Variants in COLEC11 observed in about 807,000 individuals in gnomAD.
The protein encoded by COLEC11 is collectin subfamily member 11.
COLEC11 carries 20 observed loss-of-function variants against 27.3 expected under a neutral mutation model. The observed-to-expected ratio is 0.73, with a 90% CI of 0.51 to 1.06. COLEC11 has a LOEUF of 1.06. Among genes scored for constraint, COLEC11 ranks in the 50% least tolerant of loss-of-function variants. The pLI is 0.00. For synonymous variants in COLEC11, 163 were observed against 154.7 expected, an observed-to-expected ratio of 1.05 and a Z score of -0.40; for missense variants, 310 against 383.0, an observed-to-expected ratio of 0.81 and a Z score of 1.59.
intron 2 of COLEC11, among the ~76,000 whole-genome samples, chr2:3,610,858 T>C (rs1292597031): frequency 2.6e-5 from 4 of 152,226 alleles, no homozygotes; most frequent in African/African-American, 7.2e-5. Context: ...GCGTCCGGTG[T>C]TGCTAATGAG....
At chr2:3,615,209 G>A (rs903448828) in intron 3 of COLEC11, among the ~76,000 whole-genome samples, 2 of 152,054 alleles carry the variant, frequency 1.3e-5, no homozygotes, top group Non-Finnish European at 2.9e-5. Flanking sequence ...CAGGGTCATA[G>A]GACAACAGTG....
At chr2:3,627,321 G>A (rs1202114529) in intron 3 of COLEC11, among the ~76,000 whole-genome samples, 3 of 144,216 alleles carry the variant, frequency 2.1e-5, no homozygotes, top group African/African-American at 7.7e-5. Context: ...GCATGATGAC[G>A]GGGGGCATGA....
chr2:3,603,767 G>C (rs1662416711), intron 1 of COLEC11: 2 of 1,143,064 alleles, frequency 1.7e-6, no homozygotes, highest in Admixed American at 4.0e-5. Flanking sequence ...TAAGGCCGGG[G>C]CTCCTCTCTC....
intron 2 of COLEC11, 101 bp from the exon 3 acceptor site, chr2:3,613,210 G>T: frequency 7.6e-7 from 1 of 1,319,076 alleles, no homozygotes; most frequent in Non-Finnish European, 1.1e-6. Flanking sequence ...CCACCTGCAG[G>T]GACCCGGGGA....
chr2:3,611,125 T>G (rs1663155560), intron 2 of COLEC11, among the ~76,000 whole-genome samples: 1 of 152,242 alleles, frequency 6.6e-6, no homozygotes, highest in South Asian at 2.1e-4. Flanking sequence ...TGTTCCTCTC[T>G]TTCCGGAATT....
chr2:3,600,416 A>G (rs1192468607), intron 1 of COLEC11, among the ~76,000 whole-genome samples: 2 of 152,036 alleles, frequency 1.3e-5, no homozygotes, highest in Admixed American at 1.3e-4. Flanking sequence ...TTGCCCAGAC[A>G]TGGTGGTACA....
intron 3 of COLEC11, among the ~76,000 whole-genome samples, chr2:3,615,965 G>A (rs1309341046): frequency 6.6e-6 from 1 of 151,844 alleles, no homozygotes; most frequent in Non-Finnish European, 1.5e-5. Context: ...TCCCAGACGG[G>A]GCGGCTGCTG....
chr2:3,603,686 G>T (rs1476824326), intron 1 of COLEC11: 1 of 1,550,810 alleles, frequency 6.4e-7, no homozygotes, highest in African/African-American at 1.4e-5. Flanking sequence ...GCCCCTCCTG[G>T]GATGGTCAGA....
At chr2:3,615,183 G>A (rs182024085) in intron 3 of COLEC11, among the ~76,000 whole-genome samples, 194 of 151,048 alleles carry the variant, frequency 1.3e-3, no homozygotes, top group African/African-American at 4.3e-3. Context: ...GGTATTTCTC[G>A]CAGAGGGGGA....
At chr2:3,604,171 G>A in intron 1 of COLEC11, 144 bp from the exon 2 acceptor site, 2 of 822,528 alleles carry the variant, frequency 2.4e-6, no homozygotes, top group African/African-American at 1.7e-5. Flanking sequence ...GTGCTTGAGT[G>A]AGTGAGGAGC....
intron 5 of COLEC11, 78 bp downstream of exon 5, chr2:3,640,409 C>G: frequency 2.5e-6 from 2 of 811,400 alleles, no homozygotes; most frequent in Non-Finnish European, 4.2e-6. Flanking sequence ...AGATCTACAC[C>G]ATGTAGATCC....
chr2:3,607,136 C>G (rs1662780984), intron 2 of COLEC11, among the ~76,000 whole-genome samples: 1 of 152,034 alleles, frequency 6.6e-6, no homozygotes, highest in Non-Finnish European at 1.5e-5. Context: ...CCACATTTGG[C>G]TGGAGAATCT....
chr2:3,631,701 G>T (rs1291398313), intron 3 of COLEC11, among the ~76,000 whole-genome samples: 2 of 151,434 alleles, frequency 1.3e-5, no homozygotes, highest in African/African-American at 2.4e-5. Context: ...CTCGGAGGGG[G>T]CTCTGCTCGG....
chr2:3,620,330 A>G (rs1473717116), intron 3 of COLEC11, among the ~76,000 whole-genome samples: 4 of 152,018 alleles, frequency 2.6e-5, no homozygotes, highest in African/African-American at 4.8e-5. Flanking sequence ...AGGTTATTCA[A>G]ATTTTTGATG....
intron 3 of COLEC11, among the ~76,000 whole-genome samples, chr2:3,624,658 G>A (rs1664406209): frequency 6.6e-6 from 1 of 152,204 alleles, no homozygotes; most frequent in South Asian, 2.1e-4. Flanking sequence ...GGTCACACGG[G>A]TAAAGTGAAA....
rs370178695 is a variant in COLEC11 at position 3,643,440 on chromosome 2, G to T, written c.329-4G>T. On this transcript the variant is annotated splice_polypyrimidine_tract_variant and splice_region_variant and intron_variant, in intron 5 of 6. Transcript: ENST00000349077. ...TTTGTAACGCGTGGGCCTGGCCCCC[G>T]CAGGCCTCCCATGTGAGTGCAGCCA... is the stretch of plus-strand genomic sequence containing the variant. 19 of 1,612,686 alleles carry T rather than the reference G, an allele frequency of 1.2e-5. No individual in the cohort carries two copies. In the East Asian group the frequency reaches 3.6e-4, roughly 30 times the overall value.
chr2:3,622,949 G>GTC (rs1664285344), intron 3 of COLEC11, among the ~76,000 whole-genome samples: 1 of 152,182 alleles, frequency 6.6e-6, no homozygotes, highest in Non-Finnish European at 1.5e-5. Flanking sequence ...TCAGCTTGAA[G>GTC]AACTTTCCTT....
chr2:3,600,671 G>A (rs185659418), intron 1 of COLEC11, among the ~76,000 whole-genome samples: 3 of 152,350 alleles, frequency 2.0e-5, no homozygotes, highest in East Asian at 3.9e-4. Context: ...GGATGGGAGC[G>A]GGGCTGGGGC....
intron 3 of COLEC11, 113 bp from the exon 4 acceptor site, chr2:3,637,420 T>C (rs1665504471): frequency 3.8e-6 from 3 of 788,230 alleles, no homozygotes; most frequent in East Asian, 2.5e-5. Flanking sequence ...GTCTCTTCTA[T>C]GTGCCTGTGA....
Sources: allele counts gnomAD v4.1 joint callset (sites outside exome capture counted in the v4.1 genomes callset), GRCh38; gene constraint gnomAD v4.1.1; transcripts MANE v1.5; gene names NCBI Gene and HGNC (gene_info 2026-07-23, HGNC 2026-07-21).